R3HDM1: variants seen among roughly 807,000 people sequenced by gnomAD.
The protein encoded by R3HDM1 is R3H domain-containing protein 1.
R3HDM1 carries 46 observed loss-of-function variants against 141.1 expected under a neutral mutation model. That is an observed-to-expected ratio of 0.33 (90% CI 0.26 to 0.42). The LOEUF is 0.42. Among genes scored for constraint, R3HDM1 ranks in the 10% least tolerant of loss-of-function variants. The pLI, the probability that R3HDM1 is intolerant of heterozygous loss-of-function variation, is 1.00. For synonymous variants in R3HDM1, 435 were observed against 472.9 expected, an observed-to-expected ratio of 0.92 and a Z score of 1.04; for missense variants, 1,184 against 1,368.3, an observed-to-expected ratio of 0.87 and a Z score of 2.12.
intron 18 of R3HDM1, among the ~76,000 whole-genome samples, chr2:135,659,049 C>CTGTGTGTGTGTGTGTGTGTTTGTGTGTG (rs2066295419): frequency 7.9e-6 from 1 of 126,402 alleles, no homozygotes; most frequent in African/African-American, 3.1e-5. Flanking sequence ...CTACCTGAGT[C>CTGTGTGTGTGTGTGTGTGTTTGTGTGTG]TGTGTGTGTG....
At chr2:135,671,676 C>A (rs927967712) in intron 19 of R3HDM1, among the ~76,000 whole-genome samples, 1 of 151,676 alleles carries the variant, frequency 6.6e-6, no homozygotes, top group African/African-American at 2.4e-5. Flanking sequence ...CCCAATGTTA[C>A]CTAAAAATTT....
intron 3 of R3HDM1, among the ~76,000 whole-genome samples, chr2:135,608,317 A>AAATAATAAT (rs146123639): frequency 1.3e-4 from 19 of 150,546 alleles, no homozygotes; most frequent in African/African-American, 4.7e-4. Flanking sequence ...CTCCATCTCA[A>AAATAATAAT]AATAATAATA....
At chr2:135,659,441 C>CTTT (rs112949059) in intron 18 of R3HDM1, among the ~76,000 whole-genome samples, 3 of 143,988 alleles carry the variant, frequency 2.1e-5, no homozygotes, top group African/African-American at 5.1e-5. Context: ...GGACTACATT[C>CTTT]TTTTTTTTTT....
At chr2:135,630,231 T>A (rs2105211174) in intron 7 of R3HDM1, among the ~76,000 whole-genome samples, 1 of 138,950 alleles carries the variant, frequency 7.2e-6, no homozygotes, top group South Asian at 2.2e-4. Context: ...GAGCCGAGAT[T>A]GTGCCATTGC....
At chr2:135,532,289 A>G (rs1159788607) in intron 1 of R3HDM1, among the ~76,000 whole-genome samples, 2 of 152,254 alleles carry the variant, frequency 1.3e-5, no homozygotes, top group Non-Finnish European at 2.9e-5. Flanking sequence ...GTCCCCCGGG[A>G]TCAGATTTAC....
chr2:135,644,895 A>G (rs2064221078), intron 15 of R3HDM1, among the ~76,000 whole-genome samples: 1 of 152,180 alleles, frequency 6.6e-6, no homozygotes, highest in Non-Finnish European at 1.5e-5. Flanking sequence ...CAGCCTGGCC[A>G]AAGTAGGGAA....
rs749896909 is a variant in R3HDM1 at position 135,710,125 on chromosome 2, A to G, written c.2630A>G (p.Gln877Arg). ...CAGCTCAGTGTACCAAACAATCCAC[A>G]ATCTTGTGCCCACTCACCCCCGCAG... ...MMQLSVPNNPQSCAHSPPQWK... is the reference protein window; with the variant it reads ...MMQLSVPNNPRSCAHSPPQWK... Residue 877 changes from glutamine to arginine, a missense_variant, in exon 23 of 27, where the codon CAA becomes CGA. Coordinates refer to ENST00000683871, the MANE Select transcript of R3HDM1 (RefSeq NM_001378107.1). 1 of 1,614,158 alleles carries G rather than the reference A, an allele frequency of 6.2e-7. No homozygotes were observed. Among genetic ancestry groups the G allele is most frequent in the Non-Finnish European group, 8.5e-7 (1 of 1,180,004 alleles).
intron 1 of R3HDM1, among the ~76,000 whole-genome samples, chr2:135,591,993 G>A (rs748964785): frequency 6.6e-6 from 1 of 152,176 alleles, no homozygotes; most frequent in African/African-American, 2.4e-5. Flanking sequence ...AGTGTTCAGA[G>A]TTTTTATTGG....
At chr2:135,705,560 CAA>C (rs1196548897) in intron 21 of R3HDM1, among the ~76,000 whole-genome samples, 1 of 152,028 alleles carries the variant, frequency 6.6e-6, no homozygotes, top group Non-Finnish European at 1.5e-5. Flanking sequence ...CACTTGAGCC[CAA>C]GTGTTCAGTG....
At chr2:135,605,637 AT>A (rs1207979617) in intron 3 of R3HDM1, 1 of 152,162 alleles carries the variant, frequency 6.6e-6, no homozygotes, top group Non-Finnish European at 1.5e-5. Context: ...TTTTCCAGTT[AT>A]CTATTTTCTC....
At chr2:135,539,453 A>G (rs1229408919) in intron 1 of R3HDM1, among the ~76,000 whole-genome samples, 1 of 152,152 alleles carries the variant, frequency 6.6e-6, no homozygotes, top group Non-Finnish European at 1.5e-5. Flanking sequence ...TGGGACCACT[A>G]TCATTTATGC....
At chr2:135,566,333 G>C (rs948725684) in intron 1 of R3HDM1, among the ~76,000 whole-genome samples, 1 of 152,040 alleles carries the variant, frequency 6.6e-6, no homozygotes, top group Non-Finnish European at 1.5e-5. Context: ...TACTAATCTA[G>C]AATATATGTA....
intron 19 of R3HDM1, 83 bp from the exon 20 acceptor site, chr2:135,675,248 TA>T: frequency 1.5e-6 from 2 of 1,334,928 alleles, no homozygotes; most frequent in Non-Finnish European, 2.0e-6. Context: ...TTTTAGAGCA[TA>T]AAAGTACTCG....
intron 7 of R3HDM1, among the ~76,000 whole-genome samples, chr2:135,628,381 A>G (rs1277640728): frequency 1.3e-5 from 2 of 152,200 alleles, no homozygotes; most frequent in African/African-American, 4.8e-5. Context: ...CAGATAATCT[A>G]AAAATCCTCT....
chr2:135,574,466 A>G (rs1704906083), intron 1 of R3HDM1, among the ~76,000 whole-genome samples: 1 of 152,232 alleles, frequency 6.6e-6, no homozygotes, highest in African/African-American at 2.4e-5. Context: ...GAGCATTGGA[A>G]TGTTGGAAAG....
chr2:135,613,906 T>C (rs758869063), intron 3 of R3HDM1, among the ~76,000 whole-genome samples: 2 of 152,240 alleles, frequency 1.3e-5, no homozygotes, highest in Non-Finnish European at 2.9e-5. Context: ...GTGCCATCTT[T>C]AGAATTCTGT....
chr2:135,683,476 C>A (rs1363209765), intron 21 of R3HDM1, among the ~76,000 whole-genome samples: 1 of 150,686 alleles, frequency 6.6e-6, no homozygotes, highest in African/African-American at 2.5e-5. Flanking sequence ...ATCGCTTGAA[C>A]CTGGGAGGTT....
chr2:135,702,825 A>G (rs2074415644), intron 21 of R3HDM1, among the ~76,000 whole-genome samples: 1 of 152,104 alleles, frequency 6.6e-6, no homozygotes, highest in Non-Finnish European at 1.5e-5. Context: ...AAAGAAAAAC[A>G]TATAGAGTAA....
intron 21 of R3HDM1, among the ~76,000 whole-genome samples, chr2:135,694,687 T>A (rs1425453410): frequency 6.6e-6 from 1 of 152,138 alleles, no homozygotes; most frequent in Non-Finnish European, 1.5e-5. Flanking sequence ...CCAGAGTCTC[T>A]GAGTTAGGAG....
Sources: gnomAD v4.1 joint callset for allele counts (sites outside exome capture counted in the v4.1 genomes callset) on GRCh38, gnomAD v4.1.1 for gene constraint, MANE v1.5 for transcripts, NCBI Gene and HGNC (gene_info 2026-07-23, HGNC 2026-07-21) for gene names.